The following NIPAL3 variants were observed in gnomAD, a reference collection of about 807,000 sequenced individuals.
The protein encoded by NIPAL3 is NIPA-like protein 3.
In NIPAL3, 41 loss-of-function variants were observed where a neutral mutation model predicts 47.2. That is an observed-to-expected ratio of 0.87 (90% CI 0.68 to 1.13). The LOEUF is 1.13. NIPAL3 is among the 50% of genes most tolerant of loss of function. NIPAL3 has a pLI of 0.00. For synonymous variants in NIPAL3, 194 were observed against 209.6 expected (o/e 0.93, Z 0.64); for missense variants, 449 against 530.1 (o/e 0.85, Z 1.50).
upstream of NIPAL3, chr1:24,414,583 G>C (rs1375361615): frequency 7.8e-6 from 1 of 128,966 alleles, no homozygotes; most frequent in Non-Finnish European, 1.6e-5. Flanking sequence ...TCGCCCAGCT[G>C]GAGTGCAGTG....
At chr1:24,464,237 A>G in intron 11 of NIPAL3, 117 bp downstream of exon 11, 1 of 728,062 alleles carries the variant, frequency 1.4e-6, no homozygotes, top group South Asian at 2.9e-5. Flanking sequence ...CTGTTCTCTC[A>G]CTGTCTTTTT....
At chr1:24,463,104 C>T (rs1014492616) in intron 10 of NIPAL3, among the ~76,000 whole-genome samples, 2 of 151,720 alleles carry the variant, frequency 1.3e-5, no homozygotes, top group African/African-American at 4.8e-5. Context: ...AGGAGGATCG[C>T]TTGAACCTGG....
chr1:24,425,166 A>C lies in NIPAL3; in HGVS notation c.93+5526A>C, dbSNP rs147699889. 3.5e-4 allele frequency among the ~76,000 whole-genome samples: 53 copies of C among 152,254 alleles called. No homozygotes were observed. The Middle Eastern group carries it at 0.01, about 29-fold the overall frequency. ...CAATTCTTCTGTTGAGTGAGTAGAC[A>C]TTTCATCTGAGCACCTACTCTCTCC... is the stretch of plus-strand genomic sequence containing the variant. On this transcript the variant is annotated intron_variant, in intron 2 of 11. Coordinates refer to ENST00000374399, the MANE Select transcript of NIPAL3 (RefSeq NM_020448.5).
At position 24,469,813 on chromosome 1, in the gene NIPAL3, G is replaced by A. The variant is rs1199049305; in HGVS notation, c.*628G>A. The A allele has an allele frequency of 2.0e-5, 3 of 152,282 alleles. No individual in the cohort carries two copies. Among genetic ancestry groups the A allele is most frequent in the Non-Finnish European group, 4.4e-5 (3 of 68,138 alleles). 9.4% of individuals were successfully genotyped at this position (152,282 alleles called of 1,614,324 possible). On this transcript the variant is annotated 3_prime_UTR_variant, in exon 12 of 12. Transcript: ENST00000374399. Reference sequence around the variant, plus strand: ...TTCAAATTGGATCTACTCTGAAAACGAAACTTGGTTTTGGTCCTGTGAGGA... The same window carrying A: ...TTCAAATTGGATCTACTCTGAAAACAAAACTTGGTTTTGGTCCTGTGAGGA...
intron 2 of NIPAL3, 74 bp from the exon 3 acceptor site, chr1:24,440,098 T>G: frequency 2.0e-6 from 2 of 1,016,086 alleles, no homozygotes; most frequent in Non-Finnish European, 2.8e-6. Context: ...AGCAAATGGT[T>G]GAGTGTCAGA....
intron 4 of NIPAL3, among the ~76,000 whole-genome samples, chr1:24,444,232 C>T (rs932457207): frequency 3.3e-5 from 5 of 151,962 alleles, no homozygotes; most frequent in African/African-American, 1.2e-4. Context: ...TGACTGTGTG[C>T]CAAATGACTT....
chr1:24,457,884 T>C (rs1236673928), intron 8 of NIPAL3: 4 of 504,140 alleles, frequency 7.9e-6, no homozygotes, highest in African/African-American at 5.9e-5. Context: ...GTTATTTTGG[T>C]TATTATTTTT....
rs187926519 is a variant in NIPAL3 at position 24,467,347 on chromosome 1, G to A, written c.1022-1639G>A. The stretch of plus-strand genomic sequence containing the variant: ...TAGCTGTGCGTGGTGGCGGGTGCCT[G>A]TAGTCCTAGCTACTCGGGAGGCTCA... On this transcript the variant is annotated intron_variant, in intron 11 of 11. Transcript: ENST00000374399. Among the ~76,000 whole-genome samples the A allele has an allele frequency of 3.9e-3, 598 of 152,090 alleles. 16 individuals carry two copies. The East Asian group carries it at 0.065, about 17-fold the overall frequency.
intron 11 of NIPAL3, among the ~76,000 whole-genome samples, chr1:24,467,375 C>A (rs563023442): frequency 6.6e-6 from 1 of 151,962 alleles, no homozygotes; most frequent in South Asian, 2.1e-4. Flanking sequence ...GAGGCTCAGG[C>A]AGGAGAATGG....
intron 2 of NIPAL3, chr1:24,432,988 T>C (rs1644944261): frequency 6.6e-6 from 1 of 152,228 alleles, no homozygotes; most frequent in Non-Finnish European, 1.5e-5. Context: ...AGCTAATATT[T>C]ATTGAAGGCT....
Position 24,468,984 on chromosome 1 carries a change from A to G in NIPAL3, c.1022-2A>G. 1 of 1,613,820 alleles carries G rather than the reference A, an allele frequency of 6.2e-7. No individual in the cohort carries two copies. The highest frequency in any genetic ancestry group is 8.5e-7 in the Non-Finnish European group (1 of 1,179,824). Reference sequence around the variant, plus strand: ...ATTTGGAGAAAATGGATTTCATTTCAGGTATGCAGAACATGCACGATAAAG... The same window carrying G: ...ATTTGGAGAAAATGGATTTCATTTCGGGTATGCAGAACATGCACGATAAAG... On this transcript the variant is annotated splice_acceptor_variant, in intron 11 of 11. Coordinates refer to ENST00000374399, the MANE Select transcript of NIPAL3 (RefSeq NM_020448.5). LOFTEE classifies it high-confidence loss of function.
chr1:24,431,477 C>G (rs1644875591), intron 2 of NIPAL3, among the ~76,000 whole-genome samples: 2 of 152,180 alleles, frequency 1.3e-5, no homozygotes. Flanking sequence ...GGCCCCAGTC[C>G]AAAGAAGATG....
chr1:24,446,069 CGTGTGT>C (rs58016013), intron 5 of NIPAL3, among the ~76,000 whole-genome samples: 35,988 of 147,618 alleles, frequency 0.24, 4,644 homozygotes, highest in East Asian at 0.44. Context: ...AGATTATAGT[CGTGTGT>C]GTGTGTGTGT....
chr1:24,463,043 G>T (rs1646544758), intron 10 of NIPAL3, among the ~76,000 whole-genome samples: 1 of 152,036 alleles, frequency 6.6e-6, no homozygotes. Context: ...ACAAAAATTA[G>T]CCTGGCATGC....
Position 24,454,476 on chromosome 1 carries a change from G to C in NIPAL3, c.637+972G>C. The C allele has an allele frequency of 1.0e-6, 1 of 995,046 alleles. No individual in the cohort carries two copies. The highest frequency in any genetic ancestry group is 1.7e-5 in the African/African-American group (1 of 57,342). The allele number at this position is 995,046 out of a possible 1,614,324, so 61.6% of individuals were successfully genotyped here. A position where few individuals can be genotyped will look rare whatever the true frequency, so the allele number is the denominator to read the frequency against. On this transcript the variant is annotated intron_variant, in intron 7 of 11. Coordinates refer to ENST00000374399, the MANE Select transcript of NIPAL3 (RefSeq NM_020448.5). The surrounding 1 kb of genome is among the most constrained non-coding windows in gnomAD (Gnocchi z 4.1). ...GCATTTTTCTTCCAACCTTCCTACT[G>C]TGTGCCCTACCACCGCCACAAGCCA...
At position 24,416,122 on chromosome 1, in the gene NIPAL3, G is replaced by A; in HGVS notation, c.-258+218G>A. The A allele has an allele frequency of 2.0e-6, 2 of 985,454 alleles. No individual in the cohort carries two copies. Among genetic ancestry groups the A allele is most frequent in the Non-Finnish European group, 2.4e-6 (2 of 829,974 alleles). The allele number at this position is 985,454 out of a possible 1,614,324, so 61.0% of individuals were successfully genotyped here. On this transcript the variant is annotated intron_variant, in intron 1 of 11. Transcript: ENST00000374399. The surrounding 1 kb of genome is among the most constrained non-coding windows in gnomAD (Gnocchi z 4.8). ...CATGGGCTACCTTACTAAAGGTGAT[G>A]CCAGGCTCTACCAAACCAGGAAGTG...
In NIPAL3 at chr1:24,453,426, T is replaced by C; in HGVS notation, c.559T>C (p.Phe187Leu). The C allele has an allele frequency of 6.2e-7, 1 of 1,613,330 alleles. No individual in the cohort carries two copies. Among genetic ancestry groups the C allele is most frequent in the Non-Finnish European group, 8.5e-7 (1 of 1,179,588 alleles). The stretch of plus-strand genomic sequence containing the variant: ...TCCACAGCTGGTGGAGATCATTCTG[T>C]TCTGCTTGCTGCTCTACTTCTACAA... ...LLYMLVEIIL[F>L]CLLLYFYKEK... The change falls in exon 7 of 12, where the codon TTC (phenylalanine) becomes CTC (leucine). Residue 187 changes from phenylalanine to leucine, a missense_variant. Phe to Leu is a conservative substitution (Grantham distance 22). Transcript: ENST00000374399.
chr1:24,435,379 C>T (rs1570253541), intron 2 of NIPAL3, among the ~76,000 whole-genome samples: 1 of 152,190 alleles, frequency 6.6e-6, no homozygotes, highest in African/African-American at 2.4e-5. Context: ...AGTTCAGTTC[C>T]TTCATTGGTG....
chr1:24,438,436 A>T (rs562645162), intron 2 of NIPAL3, among the ~76,000 whole-genome samples: 68 of 152,270 alleles, frequency 4.5e-4, no homozygotes, highest in African/African-American at 1.5e-3. Context: ...TAGTGATTTC[A>T]GTTGGTGGGC....
Sources: allele counts gnomAD v4.1 joint callset (sites outside exome capture counted in the v4.1 genomes callset), GRCh38; gene constraint gnomAD v4.1.1; non-coding constraint Gnocchi (gnomAD v3.1); transcripts MANE v1.5; gene names NCBI Gene and HGNC (gene_info 2026-07-23, HGNC 2026-07-21).